Variants in HOMER2 observed in about 807,000 individuals in gnomAD.
The protein encoded by HOMER2 is homer protein homolog 2.
In HOMER2, 27 loss-of-function variants were observed where a neutral mutation model predicts 47.0. The ratio of observed to expected loss-of-function variants is 0.57; its 90% confidence interval spans 0.42 to 0.79. HOMER2 has a LOEUF of 0.79. Among genes scored for constraint, HOMER2 ranks in the 30% least tolerant of loss-of-function variants. HOMER2 has a pLI of 0.00. For missense variants in HOMER2, 443 were observed against 435.0 expected, an observed-to-expected ratio of 1.02 and a Z score of -0.16; for synonymous variants, 161 against 163.8, an observed-to-expected ratio of 0.98 and a Z score of 0.13.
rs756947554 is a variant in HOMER2, at chr15:82,849,688, C to T, written c.*27G>A. 73 of 1,599,918 alleles carry T rather than the reference C, an allele frequency of 4.6e-5. No homozygotes were observed. The highest frequency in any genetic ancestry group is 5.3e-5 in the Non-Finnish European group (62 of 1,172,938). On this transcript the variant is annotated 3_prime_UTR_variant, in exon 9 of 9. Coordinates refer to ENST00000450735, the MANE Select transcript of HOMER2 (RefSeq NM_004839.4). Reference sequence around the variant, plus strand: ...GTCTCGCACACACGCTTGGGACTCACGGGCGGGGCCTGGGCCTCGGCCAGC... The same window carrying T: ...GTCTCGCACACACGCTTGGGACTCATGGGCGGGGCCTGGGCCTCGGCCAGC...
intron 1 of HOMER2, among the ~76,000 whole-genome samples, chr15:82,946,979 C>T (rs2054396609): frequency 6.6e-6 from 1 of 152,244 alleles, no homozygotes; most frequent in East Asian, 1.9e-4. Flanking sequence ...TTTACTCTCA[C>T]AGCATTTCAC....
At chr15:82,930,364 C>T (rs752046338) in intron 1 of HOMER2, among the ~76,000 whole-genome samples, 3 of 152,208 alleles carry the variant, frequency 2.0e-5, no homozygotes, top group Non-Finnish European at 2.9e-5. Flanking sequence ...CCACAAGGAC[C>T]GCCTGGCATG....
chr15:82,844,278 T>C (rs1567005999), downstream of HOMER2: 2 of 150,282 alleles, frequency 1.3e-5, no homozygotes, highest in Non-Finnish European at 3.0e-5. Context: ...GAGCCAGTGA[T>C]AACTTCAGAA....
intron 8 of HOMER2, 86 bp from the exon 9 acceptor site, chr15:82,849,989 T>G: frequency 7.3e-7 from 1 of 1,373,386 alleles, no homozygotes; most frequent in South Asian, 1.3e-5. Context: ...CCAACCATTC[T>G]CCATCCAATC....
chr15:82,882,152 T>C (rs2052539870), intron 2 of HOMER2, among the ~76,000 whole-genome samples: 1 of 152,128 alleles, frequency 6.6e-6, no homozygotes, highest in Admixed American at 6.5e-5. Flanking sequence ...AAGCTGGGAG[T>C]GGGGAGATGC....
chr15:82,985,217 TA>T (rs910057840), intron 1 of HOMER2, among the ~76,000 whole-genome samples: 1 of 152,058 alleles, frequency 6.6e-6, no homozygotes, highest in East Asian at 1.9e-4. Flanking sequence ...CAGCAGAAAA[TA>T]AAAAAAGTTT....
intron 1 of HOMER2, among the ~76,000 whole-genome samples, chr15:82,974,616 C>T (rs2151259664): frequency 6.6e-6 from 1 of 152,258 alleles, no homozygotes; most frequent in South Asian, 2.1e-4. Context: ...TGATATTGCA[C>T]AGGGGCTCCC....
intron 1 of HOMER2, among the ~76,000 whole-genome samples, chr15:82,940,359 T>C (rs1322870677): frequency 6.6e-6 from 1 of 152,150 alleles, no homozygotes; most frequent in African/African-American, 2.4e-5. Flanking sequence ...CAACTATATA[T>C]GAAAGACCTG....
At chr15:82,862,959 C>T (rs542711327) in intron 4 of HOMER2, among the ~76,000 whole-genome samples, 8 of 152,248 alleles carry the variant, frequency 5.3e-5, no homozygotes, top group Admixed American at 2.0e-4. Flanking sequence ...TGGGGCTCAG[C>T]GATGCTGGAA....
At position 82,979,264 on chromosome 15, in the gene HOMER2, G is replaced by A. The variant is rs185398175; in HGVS notation, n.82+6523C>T. On this transcript the variant is annotated intron_variant and non_coding_transcript_variant, in intron 1 of 1. Coordinates refer to the HOMER2 transcript ENST00000500334. Reference sequence around the variant, plus strand: ...CAGACTAATACAGGGAGAGTGGCAAGAGATGAGACTGGACCGATAAGACAG... The same window carrying A: ...CAGACTAATACAGGGAGAGTGGCAAAAGATGAGACTGGACCGATAAGACAG... Among the ~76,000 whole-genome samples, 14 of 152,288 alleles carry A rather than the reference G, an allele frequency of 9.2e-5. No individual in the cohort carries two copies. In the East Asian group the frequency reaches 2.7e-3, roughly 29 times the overall value.
At chr15:82,881,000 G>C (rs150106781) in intron 2 of HOMER2, among the ~76,000 whole-genome samples, 17 of 152,330 alleles carry the variant, frequency 1.1e-4, no homozygotes, top group African/African-American at 3.8e-4. Flanking sequence ...AATGAGAACT[G>C]TTTACCCCTG....
At chr15:82,894,807 G>A (rs1189539338) in intron 1 of HOMER2, among the ~76,000 whole-genome samples, 1 of 146,398 alleles carries the variant, frequency 6.8e-6, no homozygotes, top group African/African-American at 2.5e-5. Flanking sequence ...TAAAATAAAA[G>A]AGACATAGAC....
chr15:82,946,099 T>C (rs2054374153), intron 1 of HOMER2, among the ~76,000 whole-genome samples: 1 of 152,156 alleles, frequency 6.6e-6, no homozygotes, highest in African/African-American at 2.4e-5. Context: ...CACCACACAT[T>C]TAACTCTAAG....
exon 2 of HOMER2, chr15:82,843,582 G>A (rs1018606572): frequency 3.6e-5 from 5 of 139,500 alleles, no homozygotes; most frequent in Admixed American, 7.4e-5. Flanking sequence ...ATGTCTAAAC[G>A]TTTTTAAAAA....
chr15:82,923,066 G>A (rs1000337127), intron 1 of HOMER2, among the ~76,000 whole-genome samples: 6 of 152,126 alleles, frequency 3.9e-5, no homozygotes, highest in African/African-American at 1.4e-4. Flanking sequence ...CCTCACTCGT[G>A]GCCGTCATAT....
At chr15:82,932,718 G>A (rs1179453293) in intron 1 of HOMER2, among the ~76,000 whole-genome samples, 6 of 151,978 alleles carry the variant, frequency 3.9e-5, no homozygotes, top group Admixed American at 1.3e-4. Flanking sequence ...CGCAAAGCTC[G>A]GCCCTCAAGA....
intron 2 of HOMER2, among the ~76,000 whole-genome samples, chr15:82,877,856 G>A (rs1022457526): frequency 9.9e-6 from 1 of 100,686 alleles, no homozygotes. Context: ...GAAGCAGGGC[G>A]TGGAAAATGG....
At chr15:82,954,684 G>C (rs577483480), upstream of HOMER2, among the ~76,000 whole-genome samples, 1 of 152,018 alleles carries the variant, frequency 6.6e-6, no homozygotes, top group Admixed American at 6.6e-5. Context: ...TACATACTAT[G>C]TCTATAGGTA....
intron 1 of HOMER2, among the ~76,000 whole-genome samples, chr15:82,946,476 G>A (rs566629644): frequency 6.6e-6 from 1 of 152,218 alleles, no homozygotes; most frequent in South Asian, 2.1e-4. Flanking sequence ...GCATGCCCCT[G>A]CCTCAGGGCC....
Sources: gnomAD v4.1 joint callset for allele counts (sites outside exome capture counted in the v4.1 genomes callset) on GRCh38, gnomAD v4.1.1 for gene constraint, MANE v1.5 for transcripts, NCBI Gene and HGNC (gene_info 2026-07-23, HGNC 2026-07-21) for gene names.